Variants in FNBP1 observed in about 807,000 individuals in gnomAD.
The protein encoded by FNBP1 is formin-binding protein 1.
A neutral mutation model predicts 90.6 loss-of-function variants in FNBP1; 26 were observed. The observed-to-expected ratio is 0.29, with a 90% CI of 0.21 to 0.40. The LOEUF (loss-of-function observed/expected upper bound fraction) is 0.40, where lower values mean the gene tolerates loss of function less well. Ranked by LOEUF, FNBP1 falls within the 10% of genes least tolerant of loss-of-function variation. FNBP1 has a pLI of 1.00. For missense variants in FNBP1, 635 were observed against 768.0 expected, an observed-to-expected ratio of 0.83 and a Z score of 2.05; for synonymous variants, 260 against 265.2, an observed-to-expected ratio of 0.98 and a Z score of 0.19.
chr9:129,949,137 T>C (rs1158067815), intron 6 of FNBP1, among the ~76,000 whole-genome samples: 1 of 152,084 alleles, frequency 6.6e-6, no homozygotes, highest in African/African-American at 2.4e-5. Context: ...TATCCCAACA[T>C]GTACTGCTTC....
chr9:129,925,589 CTTTTTTTT>C (rs576015094), intron 8 of FNBP1, among the ~76,000 whole-genome samples: 13 of 67,108 alleles, frequency 1.9e-4, no homozygotes, highest in Non-Finnish European at 2.9e-4. Flanking sequence ...TTCCTAGTAG[CTTTTTTTT>C]TTTTTTTTTT....
At chr9:129,971,160 G>A (rs1312658096) in intron 4 of FNBP1, among the ~76,000 whole-genome samples, 1 of 151,812 alleles carries the variant, frequency 6.6e-6, no homozygotes, top group African/African-American at 2.4e-5. Flanking sequence ...CAAAGTTCTG[G>A]GATTACAGGT....
intron 4 of FNBP1, 91 bp downstream of exon 4, chr9:129,978,374 T>C: frequency 9.0e-7 from 1 of 1,109,110 alleles, no homozygotes; most frequent in East Asian, 2.5e-5. Context: ...CCCATAGTCT[T>C]ATATGGTTTT....
Position 129,943,853 on chromosome 9 carries a change from C to A in FNBP1, c.513+13507G>T, listed in dbSNP as rs1019506808. 1.6e-4 allele frequency among the ~76,000 whole-genome samples: 24 copies of A among 151,718 alleles called. 1 individual carries two copies. The highest frequency in any genetic ancestry group is 1.4e-3 in the Admixed American group (21 of 15,230). ...TAAAAATACAAAAAAATTAGCCGGG[C>A]GTGGTATCGGGGGCCTGTATCCCCA... On this transcript the variant is annotated intron_variant, in intron 6 of 16. Coordinates refer to ENST00000446176, the MANE Select transcript of FNBP1 (RefSeq NM_015033.3).
At chr9:130,039,856 C>CCTT (rs1263980642) in intron 1 of FNBP1, among the ~76,000 whole-genome samples, 3 of 152,006 alleles carry the variant, frequency 2.0e-5, no homozygotes, top group African/African-American at 7.3e-5. Flanking sequence ...TGATTTTAAC[C>CCTT]TGAAGTCCTA....
chr9:129,940,611 CATAT>C (rs33912117), intron 6 of FNBP1, among the ~76,000 whole-genome samples: 3 of 150,112 alleles, frequency 2.0e-5, no homozygotes, highest in African/African-American at 4.9e-5. Context: ...GGAGAGTTTT[CATAT>C]ATATATATAT....
At chr9:129,930,780 A>G (rs2042617398) in intron 6 of FNBP1, among the ~76,000 whole-genome samples, 1 of 152,226 alleles carries the variant, frequency 6.6e-6, no homozygotes, top group Non-Finnish European at 1.5e-5. Context: ...TTGTGGTGTT[A>G]TTTTGATAAA....
chr9:129,904,063 A>C (rs1487000723), intron 12 of FNBP1, among the ~76,000 whole-genome samples: 3 of 151,710 alleles, frequency 2.0e-5, no homozygotes, highest in South Asian at 2.1e-4. Flanking sequence ...ACAAACAAAA[A>C]CCCCCAAATA....
At position 129,957,610 on chromosome 9, in the gene FNBP1, G is replaced by A. The variant is rs1326083155; in HGVS notation, c.409-146C>T. ...TTTGTCACCCAGGCTGGAGTGCAGTGGCGCCATCTTGGCTCACTGCAGCTT... is the reference window on the plus strand; with the variant it reads ...TTTGTCACCCAGGCTGGAGTGCAGTAGCGCCATCTTGGCTCACTGCAGCTT... On this transcript the variant is annotated intron_variant, in intron 5 of 16. Coordinates refer to ENST00000446176, the MANE Select transcript of FNBP1 (RefSeq NM_015033.3). The surrounding 1 kb of genome is among the most constrained non-coding windows in gnomAD (Gnocchi z 4.3). 4.4e-6 allele frequency: 3 copies of A among 679,496 alleles called. No individual in the cohort carries two copies. The highest frequency in any genetic ancestry group is 2.0e-5 in the South Asian group (1 of 51,044). 42.1% of individuals were successfully genotyped at this position (679,496 alleles called of 1,614,324 possible).
At chr9:129,896,120 G>A (rs2035696411) in intron 15 of FNBP1, 124 bp from the exon 16 acceptor site, 3 of 932,034 alleles carry the variant, frequency 3.2e-6, no homozygotes, top group Non-Finnish European at 4.8e-6. Context: ...ACCCCACTCG[G>A]ACCTTCTCAG....
intron 1 of FNBP1, among the ~76,000 whole-genome samples, chr9:129,995,176 T>C (rs1279737395): frequency 6.6e-6 from 1 of 152,216 alleles, no homozygotes; most frequent in Non-Finnish European, 1.5e-5. Flanking sequence ...TATTCATTCA[T>C]ATTTCCTATT....
At position 129,958,530 on chromosome 9, in the gene FNBP1, T is replaced by C. The variant is rs1480380473; in HGVS notation, c.369A>G (p.Ala123=). The C allele has an allele frequency of 6.3e-7, 1 of 1,598,404 alleles. No homozygotes were observed. Among genetic ancestry groups the C allele is most frequent in the Non-Finnish European group, 8.5e-7 (1 of 1,171,708 alleles). The change falls in exon 5 of 17, where the codon GCA becomes GCG. Residue 123 remains alanine, a synonymous_variant. Transcript: ENST00000446176. The stretch of plus-strand genomic sequence containing the variant: ...TCCAGCAAGTCTCGATGTGCTGCTG[T>C]GCTTTACGGCCATCGTGAAAGTTCT... ...RKSNFHDGRK[A]QQHIETCWKQ...
At chr9:129,959,926 T>C (rs1412067166) in intron 4 of FNBP1, among the ~76,000 whole-genome samples, 2 of 152,152 alleles carry the variant, frequency 1.3e-5, no homozygotes, top group Non-Finnish European at 2.9e-5. Flanking sequence ...CTTTGGTAAC[T>C]GGGATGTGTT....
chr9:129,940,604 G>T (rs2044174698), intron 6 of FNBP1, among the ~76,000 whole-genome samples: 1 of 78,102 alleles, frequency 1.3e-5, no homozygotes, highest in Admixed American at 1.8e-4. Context: ...TAATGCTGGA[G>T]AGTTTTCATA....
intron 1 of FNBP1, among the ~76,000 whole-genome samples, chr9:130,010,463 G>A (rs1372662041): frequency 6.6e-6 from 1 of 152,108 alleles, no homozygotes; most frequent in Admixed American, 6.6e-5. Context: ...TCACCATGTT[G>A]GAAAGGCTGG....
chr9:130,016,407 T>C (rs1367688810), intron 1 of FNBP1, among the ~76,000 whole-genome samples: 2 of 152,162 alleles, frequency 1.3e-5, no homozygotes, highest in African/African-American at 4.8e-5. Flanking sequence ...TCCCCCACTA[T>C]CAGTCAAGAC....
chr9:129,917,652 A>G (rs1396605075), intron 10 of FNBP1, among the ~76,000 whole-genome samples: 1 of 152,216 alleles, frequency 6.6e-6, no homozygotes, highest in Non-Finnish European at 1.5e-5. Flanking sequence ...CTAATTCTTA[A>G]TTTAAGATTG....
intron 1 of FNBP1, among the ~76,000 whole-genome samples, chr9:130,015,457 A>G (rs2057128842): frequency 6.6e-6 from 1 of 152,090 alleles, no homozygotes; most frequent in Admixed American, 6.6e-5. Context: ...TCCCTGTCCA[A>G]TCAGAAGAGG....
the FNBP1 span, among the ~76,000 whole-genome samples, chr9:130,051,302 GC>G: frequency 1.3e-5 from 2 of 152,174 alleles, no homozygotes; most frequent in South Asian, 4.1e-4. Context: ...CTCCCAAAGT[GC>G]TGGGATTACA....
Sources: allele counts gnomAD v4.1 joint callset (sites outside exome capture counted in the v4.1 genomes callset), GRCh38; gene constraint gnomAD v4.1.1; non-coding constraint Gnocchi (gnomAD v3.1); transcripts MANE v1.5; gene names NCBI Gene and HGNC (gene_info 2026-07-23, HGNC 2026-07-21).